QPRT: variants seen among roughly 807,000 people sequenced by gnomAD.
QPRT encodes the protein quinolinate phosphoribosyltransferase.
A neutral mutation model predicts 19.8 loss-of-function variants in QPRT; 17 were observed. That is an observed-to-expected ratio of 0.86 (90% confidence interval 0.59 to 1.29). QPRT has a LOEUF of 1.29. QPRT is among the 50% of genes most tolerant of loss of function. The pLI is 0.00. For missense variants in QPRT, 336 were observed against 405.1 expected, an observed-to-expected ratio of 0.83 and a Z score of 1.46; for synonymous variants, 178 against 191.0, an observed-to-expected ratio of 0.93 and a Z score of 0.56.
intron 1 of QPRT, 109 bp from the exon 2 acceptor site, chr16:29,694,555 G>A (rs1967455749): frequency 1.7e-6 from 2 of 1,183,244 alleles, no homozygotes; most frequent in African/African-American, 3.2e-5. Context: ...CCTAGATCTT[G>A]AGGCTGATGG....
At chr16:29,685,791 G>A (rs1331517115) in intron 1 of QPRT, among the ~76,000 whole-genome samples, 5 of 152,140 alleles carry the variant, frequency 3.3e-5, no homozygotes, top group Non-Finnish European at 7.4e-5. Flanking sequence ...CTTGAGCCCA[G>A]GAGTTCAAGA....
intron 1 of QPRT, among the ~76,000 whole-genome samples, chr16:29,683,806 C>T (rs1967083421): frequency 6.6e-6 from 1 of 152,128 alleles, no homozygotes; most frequent in Non-Finnish European, 1.5e-5. Context: ...GTTTGAAAAG[C>T]TCCCTGTGAT....
rs543017466 is a variant in QPRT at position 29,694,649 on chromosome 16, C to A, written c.14-15C>A. 3 of 1,516,458 alleles carry A rather than the reference C, an allele frequency of 2.0e-6. No individual in the cohort carries two copies. The highest frequency in any genetic ancestry group is 2.2e-5 in the Admixed American group (1 of 45,302). The allele number at this position is 1,516,458 out of a possible 1,614,324, so 93.9% of individuals were successfully genotyped here. A position where few individuals can be genotyped will look rare whatever the true frequency, so the allele number is the denominator to read the frequency against. ...GAGGCAGCCAAACTCAACAGCTGTT[C>A]TCTCTTCCCCCCAGGCCTGGCGCTG... On this transcript the variant is annotated splice_polypyrimidine_tract_variant and intron_variant, in intron 1 of 3. Coordinates refer to ENST00000395384, the MANE Select transcript of QPRT (RefSeq NM_014298.6).
At position 29,697,182 on chromosome 16, in the gene QPRT, T is replaced by C; in HGVS notation, c.682-17T>C. 1 of 1,602,064 alleles carries C rather than the reference T, an allele frequency of 6.2e-7. No homozygotes were observed. Reference sequence around the variant, plus strand: ...TCTGTGGTGGGCTCTTACCTCCCCTTGGCTTGTGTCCCGCAGGAGCTGCAC... The same window carrying C: ...TCTGTGGTGGGCTCTTACCTCCCCTCGGCTTGTGTCCCGCAGGAGCTGCAC... On this transcript the variant is annotated splice_polypyrimidine_tract_variant and intron_variant, in intron 3 of 3. Transcript: ENST00000395384. The surrounding 1 kb of genome is among the most constrained non-coding windows in gnomAD (Gnocchi z 4.4).
In QPRT at chr16:29,683,807, T is replaced by TC. The variant is rs1372174315; in HGVS notation, c.13+4600dup. ...CTGAGCATCTGAAAGTTTGAAAAGCTCCCTGTGATTCTGGTGTGCAGCCCA... is the reference window on the plus strand; with the variant it reads ...CTGAGCATCTGAAAGTTTGAAAAGCTCCCCTGTGATTCTGGTGTGCAGCCCA... On this transcript the variant is annotated intron_variant, in intron 1 of 3. Transcript: ENST00000395384. 6.6e-5 allele frequency among the ~76,000 whole-genome samples: 10 copies of TC among 152,232 alleles called. No individual in the cohort carries two copies. The East Asian group carries it at 1.9e-3, about 29-fold the overall frequency.
rs552113068 is a variant in QPRT at position 29,692,642 on chromosome 16, A to T, written c.14-2022A>T. Among the ~76,000 whole-genome samples the T allele has an allele frequency of 1.5e-3, 221 of 152,230 alleles. 1 individual carries two copies. The highest frequency in any genetic ancestry group is 5.1e-3 in the African/African-American group (213 of 41,530). On this transcript the variant is annotated intron_variant, in intron 1 of 3. Coordinates refer to ENST00000395384, the MANE Select transcript of QPRT (RefSeq NM_014298.6). ...GCACATTGATAAAGGCATGCAATGC[A>T]TAATAATCACATCATGGGCTAGATG...
At chr16:29,692,376 T>C (rs910582843) in intron 1 of QPRT, among the ~76,000 whole-genome samples, 3 of 150,798 alleles carry the variant, frequency 2.0e-5, no homozygotes, top group Non-Finnish European at 4.4e-5. Flanking sequence ...GTCAGGAGAT[T>C]GAGACCATCC....
intron 1 of QPRT, among the ~76,000 whole-genome samples, chr16:29,692,352 G>A (rs187726774): frequency 6.6e-6 from 1 of 151,930 alleles, no homozygotes; most frequent in Non-Finnish European, 1.5e-5. Context: ...AGGCCGAGGC[G>A]GGCGGATCAC....
chr16:29,697,289 C>G lies in QPRT; in HGVS notation c.772C>G (p.Gln258Glu), dbSNP rs564810662. Residue 258 changes from glutamine to glutamate, a missense_variant, in exon 4 of 4, where the codon CAG becomes GAG. By Grantham distance (29) the Gln-to-Glu change is conservative (BLOSUM62 2). Coordinates refer to ENST00000395384, the MANE Select transcript of QPRT (RefSeq NM_014298.6). This position sits in a 1 kb window ranked among gnomAD's most constrained non-coding sequence, Gnocchi z 4.4. ...GGGCATCACCCTGGACAACCTCCCC[C>G]AGTTCTGCGGGCCGCACATAGACGT... The part of the protein sequence containing the change: ...SGGITLDNLP[Q>E]FCGPHIDVIS... 68 of 1,614,208 alleles carry G rather than the reference C, an allele frequency of 4.2e-5. No homozygotes were observed. In the East Asian group the frequency reaches 5.3e-4, roughly 13 times the overall value.
chr16:29,697,064 G>T lies in QPRT; in HGVS notation c.618G>T (p.Gln206His). Residue 206 changes from glutamine (Q) to histidine (H), a missense_variant, in exon 3 of 4, where the codon CAG (glutamine) becomes CAT (histidine). Gln to His is a conservative substitution (Grantham distance 24, BLOSUM62 0). Transcript: ENST00000395384. The surrounding 1 kb of genome is among the most constrained non-coding windows in gnomAD (Gnocchi z 4.4). ...TGGAAGTGGAATGCAGCAGCCTGCAGGAGGCCGTGCAGGCAGCTGAGGCTG... is the reference window on the plus strand; with the variant it reads ...TGGAAGTGGAATGCAGCAGCCTGCATGAGGCCGTGCAGGCAGCTGAGGCTG... ...LKVEVECSSL[Q>H]EAVQAAEAGA... 1 of 1,611,964 alleles carries T rather than the reference G, an allele frequency of 6.2e-7. No individual in the cohort carries two copies.
chr16:29,681,691 G>A (rs1255287223), intron 1 of QPRT, among the ~76,000 whole-genome samples: 1 of 146,730 alleles, frequency 6.8e-6, no homozygotes, highest in Non-Finnish European at 1.5e-5. Flanking sequence ...GAGATGGGGT[G>A]TCACCATGTT....
At chr16:29,690,883 A>G (rs562574499) in intron 1 of QPRT, among the ~76,000 whole-genome samples, 6 of 151,794 alleles carry the variant, frequency 4.0e-5, no homozygotes, top group Admixed American at 1.3e-4. Context: ...TAGAGATGGG[A>G]TTTCACCATG....
At chr16:29,691,340 G>C (rs1047631998) in intron 1 of QPRT, among the ~76,000 whole-genome samples, 1 of 130,680 alleles carries the variant, frequency 7.7e-6, no homozygotes, top group Admixed American at 8.4e-5. Context: ...ACTCCAGCCT[G>C]GGCAAAAGAG....
chr16:29,691,631 G>A lies in QPRT; in HGVS notation c.14-3033G>A, dbSNP rs1967337455. Reference sequence around the variant, plus strand: ...AAGCCTGGGCAGTTGAGGCTGCAGTGAGCCATGATCGTGCCACTGCACTGC... The same window carrying A: ...AAGCCTGGGCAGTTGAGGCTGCAGTAAGCCATGATCGTGCCACTGCACTGC... On this transcript the variant is annotated intron_variant, in intron 1 of 3. Transcript: ENST00000395384. 8.5e-5 allele frequency among the ~76,000 whole-genome samples: 13 copies of A among 152,306 alleles called. No individual in the cohort carries two copies. In the South Asian group the frequency reaches 2.7e-3, roughly 32 times the overall value.
intron 1 of QPRT, among the ~76,000 whole-genome samples, chr16:29,692,812 C>G (rs2142308694): frequency 6.6e-6 from 1 of 152,278 alleles, no homozygotes; most frequent in South Asian, 2.1e-4. Context: ...GCCTGTAATC[C>G]CAGCACTTGG....
rs1186326470 is a variant in QPRT, at chr16:29,698,014, AAG to A, written c.*610_*611del. On this transcript the variant is annotated 3_prime_UTR_variant, in exon 4 of 4. Coordinates refer to ENST00000395384, the MANE Select transcript of QPRT (RefSeq NM_014298.6). ...AAGAAACAAAGGAAAGAAAGAGAGA[AAG>A]AGAGAGGGAGGGAGGGAGGGAGGGA... 2.1e-5 allele frequency: 3 copies of A among 142,518 alleles called. No individual in the cohort carries two copies. Among genetic ancestry groups the A allele is most frequent in the East Asian group, 2.4e-4 (1 of 4,166 alleles). 8.8% of individuals were successfully genotyped at this position (142,518 alleles called of 1,614,324 possible).
chr16:29,695,031 G>T lies in QPRT; in HGVS notation c.381G>T (p.Gly127=), dbSNP rs776920602. Residue 127 remains glycine (G), a synonymous_variant, in exon 2 of 4, where the codon GGG becomes GGT. Transcript: ENST00000395384. ...CCGCTGCAGTGGAGGCCGCCAGGGG[G>T]GCCGGCTGGACTGGGCACGTGGCAG... ...AAAAAVEAAR[G]AGWTGHVAGT... The T allele has an allele frequency of 6.9e-6, 11 of 1,604,952 alleles. No homozygotes were observed. The highest frequency in any genetic ancestry group is 5.0e-5 in the Admixed American group (3 of 59,716).
At chr16:29,694,586 G>GTTGTTAAATA in intron 1 of QPRT, 78 bp from the exon 2 acceptor site, 1 of 1,443,856 alleles carries the variant, frequency 6.9e-7, no homozygotes, top group Non-Finnish European at 9.2e-7. Context: ...AGTTTCACTG[G>GTTGTTAAATA]TTGTTAAATA....
chr16:29,687,804 A>C (rs1967205744), intron 1 of QPRT, among the ~76,000 whole-genome samples: 2 of 146,622 alleles, frequency 1.4e-5, no homozygotes, highest in Non-Finnish European at 3.0e-5. Context: ...AATGTTTAAA[A>C]GCCAGGAGTT....
Sources: gnomAD v4.1 joint callset for allele counts (sites outside exome capture counted in the v4.1 genomes callset) on GRCh38, gnomAD v4.1.1 for gene constraint, Gnocchi (gnomAD v3.1) non-coding constraint, MANE v1.5 for transcripts, NCBI Gene and HGNC (gene_info 2026-07-23, HGNC 2026-07-21) for gene names.